BAZ2B: variants seen among roughly 807,000 people sequenced by gnomAD.
BAZ2B encodes bromodomain adjacent to zinc finger domain 2B, also known as bromodomain adjacent to zinc finger domain protein 2B.
BAZ2B carries 91 observed loss-of-function variants against 246.0 expected under a neutral mutation model. The ratio of observed to expected loss-of-function variants is 0.37; its 90% CI spans 0.31 to 0.44. The LOEUF (loss-of-function observed/expected upper bound fraction) is 0.44. Among genes scored for constraint, BAZ2B ranks in the 20% least tolerant of loss-of-function variants. BAZ2B has a pLI of 1.00. For synonymous variants in BAZ2B, 855 were observed against 860.0 expected (o/e 0.99, Z 0.10); for missense variants, 2,332 against 2,533.7 (o/e 0.92, Z 1.71).
At chr2:159,318,794 A>C (rs1261593042), downstream of BAZ2B, among the ~76,000 whole-genome samples, 6 of 151,708 alleles carry the variant, frequency 4.0e-5, no homozygotes, top group Non-Finnish European at 2.9e-5. Context: ...CGCAGACCAG[A>C]GAGGTTTTCA....
intron 31 of BAZ2B, among the ~76,000 whole-genome samples, chr2:159,342,421 G>C (rs985574137): frequency 1.3e-5 from 2 of 152,146 alleles, no homozygotes; most frequent in Admixed American, 6.5e-5. Flanking sequence ...AAGTAGCTGG[G>C]ACTATAGGCA....
intron 13 of BAZ2B, among the ~76,000 whole-genome samples, chr2:159,415,384 G>T (rs2067513024): frequency 6.8e-6 from 1 of 147,934 alleles, no homozygotes; most frequent in African/African-American, 2.5e-5. Context: ...GGTGGAGGTT[G>T]CAGTGAGCCA....
intron 3 of BAZ2B, among the ~76,000 whole-genome samples, chr2:159,476,682 G>A (rs1276670284): frequency 6.6e-6 from 1 of 152,142 alleles, no homozygotes; most frequent in Admixed American, 6.5e-5. Context: ...ATTTCTTTAG[G>A]AATACTATGT....
Position 159,584,335 on chromosome 2 carries a change from T to C in BAZ2B, c.-45-28470A>G, listed in dbSNP as rs1449017523. ...CGCGGTTTCACCATGTTGGCCAAGA[T>C]GGTCTCCATCTCTTGACCTCATGAT... On this transcript the variant is annotated intron_variant, in intron 1 of 36. Transcript: ENST00000392783. Among the ~76,000 whole-genome samples, 3 of 152,158 alleles carry C rather than the reference T, an allele frequency of 2.0e-5. No individual in the cohort carries two copies. The South Asian group carries it at 6.2e-4, about 32-fold the overall frequency.
intron 1 of BAZ2B, among the ~76,000 whole-genome samples, chr2:159,590,529 T>C (rs751880172): frequency 3.2e-4 from 48 of 150,326 alleles, no homozygotes; most frequent in Non-Finnish European, 6.7e-4. Context: ...GGGGTGGAGG[T>C]TGCAGTGAGC....
chr2:159,488,689 AC>A (rs756895209), intron 2 of BAZ2B, among the ~76,000 whole-genome samples: 17 of 152,142 alleles, frequency 1.1e-4, no homozygotes, highest in Non-Finnish European at 2.2e-4. Context: ...AATGAAACAC[AC>A]CCATTTTCTG....
chr2:159,703,191 ATTC>A, the BAZ2B span, among the ~76,000 whole-genome samples: 1 of 151,786 alleles, frequency 6.6e-6, no homozygotes, highest in African/African-American at 2.4e-5. Flanking sequence ...GATTCAAGCA[ATTC>A]TCCCTGCCTC....
At chr2:159,676,542 A>G in the BAZ2B span, among the ~76,000 whole-genome samples, 3 of 151,652 alleles carry the variant, frequency 2.0e-5, no homozygotes, top group African/African-American at 7.3e-5. Flanking sequence ...TAAGCTGAGC[A>G]CGTGATGGGT....
At chr2:159,473,976 T>C (rs2078167003) in intron 3 of BAZ2B, among the ~76,000 whole-genome samples, 1 of 152,210 alleles carries the variant, frequency 6.6e-6, no homozygotes, top group African/African-American at 2.4e-5. Context: ...GTGTTTTACT[T>C]CCAATTATGT....
the BAZ2B span, among the ~76,000 whole-genome samples, chr2:159,675,305 C>A: frequency 6.6e-6 from 1 of 150,778 alleles, no homozygotes; most frequent in East Asian, 1.9e-4. Flanking sequence ...AAAAAACGCA[C>A]AACAGAATAC....
intron 25 of BAZ2B, among the ~76,000 whole-genome samples, chr2:159,378,578 T>C (rs992225900): frequency 1.3e-5 from 2 of 151,896 alleles, no homozygotes; most frequent in East Asian, 1.9e-4. Context: ...ATATCTAAAA[T>C]ATATAACTCT....
At chr2:159,356,902 C>A (rs1390565153) in intron 27 of BAZ2B, among the ~76,000 whole-genome samples, 3 of 152,124 alleles carry the variant, frequency 2.0e-5, no homozygotes, top group Non-Finnish European at 2.9e-5. Context: ...AGAAGGAAAA[C>A]TAATGAACAG....
chr2:159,383,924 A>G (rs1262542038), intron 23 of BAZ2B, among the ~76,000 whole-genome samples: 1 of 152,072 alleles, frequency 6.6e-6, no homozygotes, highest in Non-Finnish European at 1.5e-5. Flanking sequence ...TGTGGTTTCT[A>G]TCTTAAACCA....
upstream of BAZ2B, among the ~76,000 whole-genome samples, chr2:159,619,484 A>G (rs911537751): frequency 6.6e-6 from 1 of 151,554 alleles, no homozygotes; most frequent in East Asian, 1.9e-4. Flanking sequence ...TAGTTGCTAA[A>G]TGAAAGACTG....
At chr2:159,654,337 A>C in the BAZ2B span, among the ~76,000 whole-genome samples, 1 of 152,172 alleles carries the variant, frequency 6.6e-6, no homozygotes, top group Non-Finnish European at 1.5e-5. Flanking sequence ...GTTGAAATAT[A>C]TATGTTGGTA....
chr2:159,315,586 G>A (rs1242318622), downstream of BAZ2B, among the ~76,000 whole-genome samples: 8 of 152,194 alleles, frequency 5.3e-5, no homozygotes, highest in East Asian at 1.3e-3. Context: ...TGGTTTTGCC[G>A]AGAACAAGTA....
chr2:159,408,507 T>A (rs781632573), intron 14 of BAZ2B, among the ~76,000 whole-genome samples: 6 of 152,128 alleles, frequency 3.9e-5, no homozygotes, highest in Non-Finnish European at 4.4e-5. Flanking sequence ...CAAAAAAATT[T>A]AAAAGTTCAA....
At chr2:159,697,660 CT>C in the BAZ2B span, among the ~76,000 whole-genome samples, 9 of 152,004 alleles carry the variant, frequency 5.9e-5, no homozygotes, top group African/African-American at 2.2e-4. Flanking sequence ...AGAAGAGAAT[CT>C]ATGTAACTTA....
chr2:159,472,473 T>C (rs1296534120), intron 3 of BAZ2B, among the ~76,000 whole-genome samples: 1 of 152,234 alleles, frequency 6.6e-6, no homozygotes, highest in Non-Finnish European at 1.5e-5. Flanking sequence ...GAATACCCTT[T>C]CTTTCTTTCT....
Sources: allele counts gnomAD v4.1 joint callset (sites outside exome capture counted in the v4.1 genomes callset), GRCh38; gene constraint gnomAD v4.1.1; transcripts MANE v1.5; gene names NCBI Gene and HGNC (gene_info 2026-07-23, HGNC 2026-07-21).